Variants in ADAMTS3 observed in about 807,000 individuals in gnomAD.
ADAMTS3 encodes ADAM metallopeptidase with thrombospondin type 1 motif 3.
A neutral mutation model predicts 129.0 loss-of-function variants in ADAMTS3; 73 were observed. The ratio of observed to expected loss-of-function variants is 0.57; its 90% CI spans 0.47 to 0.69. The LOEUF is 0.69. Among genes scored for constraint, ADAMTS3 ranks in the 30% least tolerant of loss-of-function variants. The pLI is 0.00. For synonymous variants in ADAMTS3, 477 were observed against 510.8 expected, an observed-to-expected ratio of 0.93 and a Z score of 0.89; for missense variants, 1,457 against 1,514.5, an observed-to-expected ratio of 0.96 and a Z score of 0.63.
At chr4:72,530,840 T>A (rs1326781562) in intron 3 of ADAMTS3, among the ~76,000 whole-genome samples, 2 of 124,830 alleles carry the variant, frequency 1.6e-5, no homozygotes, top group South Asian at 2.2e-4. Context: ...ATATATAATA[T>A]ATAATATATA....
chr4:72,382,586 C>T (rs751229608), intron 4 of ADAMTS3, among the ~76,000 whole-genome samples: 10 of 152,256 alleles, frequency 6.6e-5, no homozygotes, highest in East Asian at 1.9e-4. Context: ...TAAACCTGTA[C>T]GTTTACTGCA....
chr4:72,440,524 A>G (rs201659342), intron 3 of ADAMTS3, among the ~76,000 whole-genome samples: 1 of 151,816 alleles, frequency 6.6e-6, no homozygotes, highest in Non-Finnish European at 1.5e-5. Flanking sequence ...CACTCAGCCC[A>G]AAACCACTTC....
chr4:72,496,161 A>G (rs1719868731), intron 3 of ADAMTS3, among the ~76,000 whole-genome samples: 1 of 152,222 alleles, frequency 6.6e-6, no homozygotes, highest in Non-Finnish European at 1.5e-5. Context: ...TACAGAGGAA[A>G]TCTTCAATCT....
At position 72,288,801 on chromosome 4, in the gene ADAMTS3, T is replaced by C. The variant is rs146802504; in HGVS notation, c.2999A>G (p.Asp1000Gly). 4 of 1,613,974 alleles carry C rather than the reference T, an allele frequency of 2.5e-6. No individual in the cohort carries two copies. Among genetic ancestry groups the C allele is most frequent in the Non-Finnish European group, 3.4e-6 (4 of 1,179,988 alleles). ...TCTGACCGACTCAGGCTTTTCACCA[T>C]CACAGTGGTCCCCAGCCCTGCAGAG... is the stretch of plus-strand genomic sequence containing the variant. ...QVLCRAGDHC[D>G]GEKPESVRAC... The change falls in exon 21 of 22, where the codon GAT becomes GGT. Residue 1000 changes from aspartate to glycine, a missense_variant. Coordinates refer to ENST00000286657, the MANE Select transcript of ADAMTS3 (RefSeq NM_014243.3).
chr4:72,310,384 A>G (rs1168389943), intron 14 of ADAMTS3, among the ~76,000 whole-genome samples: 1 of 152,090 alleles, frequency 6.6e-6, no homozygotes, highest in Non-Finnish European at 1.5e-5. Flanking sequence ...AACACATACT[A>G]TGCTTTCAGG....
intron 2 of ADAMTS3, among the ~76,000 whole-genome samples, chr4:72,555,935 A>T (rs1914701): frequency 6.6e-6 from 1 of 151,554 alleles, no homozygotes; most frequent in Non-Finnish European, 1.5e-5. Flanking sequence ...ATGATTGTAC[A>T]TTTCCTGAGG....
intron 2 of ADAMTS3, among the ~76,000 whole-genome samples, chr4:72,557,124 T>C (rs959732680): frequency 3.3e-5 from 5 of 151,992 alleles, no homozygotes; most frequent in Admixed American, 2.0e-4. Flanking sequence ...AAATTCTCAG[T>C]ATGCAATAAT....
intron 3 of ADAMTS3, among the ~76,000 whole-genome samples, chr4:72,423,975 T>G (rs28577250): frequency 0.67 from 100,982 of 151,430 alleles, 33,828 homozygotes; most frequent in South Asian, 0.79. Flanking sequence ...TCTTTTGAAC[T>G]CCCAGAATTT....
chr4:72,443,552 C>G (rs1277126686), intron 3 of ADAMTS3, among the ~76,000 whole-genome samples: 1 of 151,670 alleles, frequency 6.6e-6, no homozygotes, highest in Non-Finnish European at 1.5e-5. Context: ...TAATTTCCTA[C>G]AAAAGATAAA....
chr4:72,508,467 G>T (rs1283270627), intron 3 of ADAMTS3, among the ~76,000 whole-genome samples: 1 of 151,944 alleles, frequency 6.6e-6, no homozygotes, highest in Non-Finnish European at 1.5e-5. Flanking sequence ...AGTCAAAAAA[G>T]GATTTAAATG....
At chr4:72,565,854 CCTAATT>C (rs1722009087) in intron 2 of ADAMTS3, among the ~76,000 whole-genome samples, 2 of 152,182 alleles carry the variant, frequency 1.3e-5, no homozygotes, top group Non-Finnish European at 2.9e-5. Flanking sequence ...ATGAGAGCAT[CCTAATT>C]CTATCTTAAA....
intron 5 of ADAMTS3, among the ~76,000 whole-genome samples, chr4:72,324,400 T>C (rs1295616218): frequency 2.0e-5 from 3 of 151,990 alleles, no homozygotes; most frequent in Non-Finnish European, 4.4e-5. Context: ...ACTGAAAGCA[T>C]ACTTACTGAA....
At chr4:72,298,705 A>G (rs1282832841) in intron 17 of ADAMTS3, among the ~76,000 whole-genome samples, 1 of 151,978 alleles carries the variant, frequency 6.6e-6, no homozygotes, top group East Asian at 1.9e-4. Context: ...TAAAAATAAT[A>G]ACTTTATAAG....
At chr4:72,326,590 C>T (rs980732576) in intron 5 of ADAMTS3, among the ~76,000 whole-genome samples, 1 of 152,048 alleles carries the variant, frequency 6.6e-6, no homozygotes, top group Admixed American at 6.6e-5. Flanking sequence ...CTTTTACTTG[C>T]TTTGTCTGTT....
In ADAMTS3 at chr4:72,568,765, C is replaced by A; in HGVS notation, c.-3G>T. On this transcript the variant is annotated 5_prime_UTR_variant, in exon 1 of 22. Transcript: ENST00000286657. ...AACCAAAGTGACAGGAGAACCATCA[C>A]GAGTCGAGTTCACTTTCCAACTACT... The A allele has an allele frequency of 1.2e-6, 2 of 1,613,040 alleles. No individual in the cohort carries two copies. The highest frequency in any genetic ancestry group is 8.5e-7 in the Non-Finnish European group (1 of 1,179,688).
chr4:72,364,837 C>A (rs1720828907), intron 4 of ADAMTS3, among the ~76,000 whole-genome samples: 1 of 152,032 alleles, frequency 6.6e-6, no homozygotes, highest in Admixed American at 6.5e-5. Flanking sequence ...GATTCTCCTA[C>A]CTCAGCCTCC....
chr4:72,524,093 A>AT (rs972746918), intron 3 of ADAMTS3, among the ~76,000 whole-genome samples: 1 of 152,180 alleles, frequency 6.6e-6, no homozygotes, highest in Non-Finnish European at 1.5e-5. Context: ...ACTTGAAAAG[A>AT]TTACTTTTAG....
At chr4:72,508,514 GT>G (rs1720224170) in intron 3 of ADAMTS3, among the ~76,000 whole-genome samples, 1 of 151,876 alleles carries the variant, frequency 6.6e-6, no homozygotes, top group Admixed American at 6.6e-5. Context: ...TCCTTAATAA[GT>G]TTTTCCAAGA....
chr4:72,288,416 G>C (rs1452881743), intron 21 of ADAMTS3, among the ~76,000 whole-genome samples: 1 of 152,180 alleles, frequency 6.6e-6, no homozygotes, highest in Non-Finnish European at 1.5e-5. Context: ...TTTTAATAAA[G>C]ATGTGAAGTT....
Sources: gnomAD v4.1 joint callset for allele counts (sites outside exome capture counted in the v4.1 genomes callset) on GRCh38, gnomAD v4.1.1 for gene constraint, MANE v1.5 for transcripts, NCBI Gene and HGNC (gene_info 2026-07-23, HGNC 2026-07-21) for gene names.